RGS6: variants seen among roughly 807,000 people sequenced by gnomAD.
The protein encoded by RGS6 is regulator of G-protein signaling 6.
In RGS6, 30 loss-of-function variants were observed where a neutral mutation model predicts 78.5. The ratio of observed to expected loss-of-function variants is 0.38; its 90% CI spans 0.29 to 0.52. The LOEUF is 0.52. Ranked by LOEUF, RGS6 falls within the 20% of genes least tolerant of loss-of-function variation. The pLI is 0.85. For synonymous variants in RGS6, 206 were observed against 206.0 expected (o/e 1.00, Z 0.00); for missense variants, 495 against 609.7 (o/e 0.81, Z 1.98).
chr14:72,457,092 A>T (rs2095651033), intron 4 of RGS6, among the ~76,000 whole-genome samples: 1 of 151,316 alleles, frequency 6.6e-6, no homozygotes, highest in African/African-American at 2.4e-5. Context: ...TCTAAAAAAA[A>T]AAAAAAAAAA....
At chr14:72,250,445 C>T (rs1019457570) in intron 2 of RGS6, among the ~76,000 whole-genome samples, 1 of 133,600 alleles carries the variant, frequency 7.5e-6, no homozygotes, top group East Asian at 2.2e-4. Context: ...TGAGAAGTTT[C>T]TCAAAAAAAG....
intron 2 of RGS6, among the ~76,000 whole-genome samples, chr14:72,129,083 G>C (rs1191392946): frequency 6.6e-6 from 1 of 151,936 alleles, no homozygotes; most frequent in Non-Finnish European, 1.5e-5. Context: ...GCTTGCTTTG[G>C]GCTTTCTTTT....
intron 11 of RGS6, chr14:72,477,088 G>A (rs2096258356): frequency 2.2e-6 from 1 of 462,868 alleles, no homozygotes; most frequent in African/African-American, 2.0e-5. Flanking sequence ...CCCATGCCTT[G>A]GGGTAACTGC....
intron 2 of RGS6, among the ~76,000 whole-genome samples, chr14:72,277,614 T>A (rs7147174): frequency 0.074 from 7,558 of 102,126 alleles, 553 homozygotes; most frequent in African/African-American, 0.25. Flanking sequence ...AAAAAAAAAA[T>A]TTTAAATTTA....
At chr14:72,383,965 T>G (rs1319831899) in intron 3 of RGS6, among the ~76,000 whole-genome samples, 2 of 152,242 alleles carry the variant, frequency 1.3e-5, no homozygotes, top group Admixed American at 6.5e-5. Flanking sequence ...CAGTTACTTT[T>G]GCATTGTAAT....
At chr14:71,874,073 C>T in the RGS6 span, among the ~76,000 whole-genome samples, 29 of 152,258 alleles carry the variant, frequency 1.9e-4, no homozygotes, top group Admixed American at 1.5e-3. Context: ...AGTCAGGTAG[C>T]ATGATGCCTC....
chr14:71,875,001 T>C, the RGS6 span, among the ~76,000 whole-genome samples: 1 of 152,196 alleles, frequency 6.6e-6, no homozygotes, highest in Non-Finnish European at 1.5e-5. Flanking sequence ...GCCCACTTGA[T>C]TGTGGTGGAT....
At chr14:72,200,157 C>T (rs908889574) in intron 2 of RGS6, among the ~76,000 whole-genome samples, 31 of 152,192 alleles carry the variant, frequency 2.0e-4, no homozygotes, top group African/African-American at 7.5e-4. Flanking sequence ...TCCGTGATTT[C>T]TCTAATAAGG....
intron 2 of RGS6, among the ~76,000 whole-genome samples, chr14:72,124,414 G>A (rs932834709): frequency 6.6e-6 from 1 of 152,158 alleles, no homozygotes; most frequent in Non-Finnish European, 1.5e-5. Context: ...GGCAACGAAT[G>A]AGCCTTTGAT....
chr14:72,383,196 A>G lies in RGS6; in HGVS notation c.184+31002A>G, dbSNP rs979418080. On this transcript the variant is annotated intron_variant, in intron 3 of 17. Coordinates refer to ENST00000553525, the MANE Select transcript of RGS6 (RefSeq NM_001204424.2). ...ATTGTACATATATATATATATATATATATATATATATATATATACACACAA... is the reference window on the plus strand; with the variant it reads ...ATTGTACATATATATATATATATATGTATATATATATATATATACACACAA... 1.6e-4 allele frequency among the ~76,000 whole-genome samples: 20 copies of G among 122,480 alleles called. No individual in the cohort carries two copies. In the East Asian group the frequency reaches 1.7e-3, roughly 11 times the overall value. The allele number at this position is 122,480 out of a possible 152,430, so 80.4% of individuals were successfully genotyped here.
chr14:72,544,966 G>C (rs72726173), intron 17 of RGS6, among the ~76,000 whole-genome samples: 10,004 of 152,306 alleles, frequency 0.066, 434 homozygotes, highest in Middle Eastern at 0.15. Context: ...GGCAGAAGCA[G>C]CTCCTGCCCC....
At chr14:71,923,777 G>C in the RGS6 span, among the ~76,000 whole-genome samples, 34 of 152,198 alleles carry the variant, frequency 2.2e-4, 1 homozygote, top group South Asian at 6.0e-3. Context: ...GTCACCAGGA[G>C]CCAGGGAGGA....
chr14:72,318,388 T>C (rs847353), intron 2 of RGS6, among the ~76,000 whole-genome samples: 93,450 of 151,976 alleles, frequency 0.61, 31,086 homozygotes, highest in African/African-American at 0.88. Flanking sequence ...CTCACTGACT[T>C]GAACGTTAAT....
chr14:71,975,955 C>A (rs1292264944), intron 2 of RGS6, among the ~76,000 whole-genome samples: 1 of 152,102 alleles, frequency 6.6e-6, no homozygotes, highest in African/African-American at 2.4e-5. Context: ...ACTTATCCTC[C>A]AGTTCACTAA....
chr14:72,398,531 T>G (rs975353735), intron 3 of RGS6, among the ~76,000 whole-genome samples: 1 of 152,072 alleles, frequency 6.6e-6, no homozygotes, highest in South Asian at 2.1e-4. Context: ...TTTTGAAGAG[T>G]TTTTTGTGTC....
the RGS6 span, among the ~76,000 whole-genome samples, chr14:72,607,953 C>T: frequency 1.3e-5 from 2 of 152,340 alleles, no homozygotes; most frequent in East Asian, 3.9e-4. Context: ...CATTAAAGAA[C>T]AGTGCAGCAC....
chr14:71,910,884 C>T, the RGS6 span, among the ~76,000 whole-genome samples: 1 of 152,114 alleles, frequency 6.6e-6, no homozygotes, highest in Non-Finnish European at 1.5e-5. Context: ...TTGAGGTCTG[C>T]GTGGACAGTG....
At chr14:72,017,913 A>G (rs1184952262) in intron 2 of RGS6, among the ~76,000 whole-genome samples, 1 of 152,080 alleles carries the variant, frequency 6.6e-6, no homozygotes, top group East Asian at 1.9e-4. Context: ...TCCATTAGCT[A>G]TTCTTCCTGA....
chr14:72,612,799 G>A, the RGS6 span, among the ~76,000 whole-genome samples: 63 of 152,358 alleles, frequency 4.1e-4, no homozygotes, highest in African/African-American at 1.4e-3. Context: ...GGAAGAGAAG[G>A]AGAGAGGTCG....
Sources: allele counts gnomAD v4.1 joint callset (sites outside exome capture counted in the v4.1 genomes callset), GRCh38; gene constraint gnomAD v4.1.1; transcripts MANE v1.5; gene names NCBI Gene and HGNC (gene_info 2026-07-23, HGNC 2026-07-21).